BSDC1: variants seen among roughly 807,000 people sequenced by gnomAD.
The protein encoded by BSDC1 is BSD domain-containing protein 1.
Under a neutral mutation model 56.0 loss-of-function variants are expected in BSDC1, and 29 were observed. The observed-to-expected ratio is 0.52, with a 90% CI of 0.39 to 0.71. The LOEUF is 0.71. Ranked by LOEUF, BSDC1 falls within the 30% of genes least tolerant of loss-of-function variation. BSDC1 has a pLI of 0.00. For missense variants in BSDC1, 477 were observed against 548.5 expected (o/e 0.87, Z 1.30); for synonymous variants, 210 against 215.3 (o/e 0.98, Z 0.21).
chr1:32,391,789 T>C (rs1025143071), intron 2 of BSDC1, among the ~76,000 whole-genome samples: 1 of 151,754 alleles, frequency 6.6e-6, no homozygotes, highest in African/African-American at 2.4e-5. Context: ...GACATACAGA[T>C]AGGAAAGCAC....
At chr1:32,371,612 T>C (rs1259849624) in intron 9 of BSDC1, among the ~76,000 whole-genome samples, 2 of 151,796 alleles carry the variant, frequency 1.3e-5, no homozygotes, top group African/African-American at 2.4e-5. Context: ...ACCCAGCCTG[T>C]AGTCTTTTTT....
intron 9 of BSDC1, among the ~76,000 whole-genome samples, chr1:32,370,478 C>T (rs1188967550): frequency 1.3e-5 from 2 of 151,944 alleles, no homozygotes; most frequent in Non-Finnish European, 2.9e-5. Flanking sequence ...TTCTGTAAAC[C>T]AGGGGTTGGC....
chr1:32,371,468 G>A (rs1484277158), intron 9 of BSDC1, among the ~76,000 whole-genome samples: 8 of 151,628 alleles, frequency 5.3e-5, no homozygotes, highest in South Asian at 2.1e-4. Context: ...CCGCCACCAC[G>A]CCCGGCTAAT....
intron 4 of BSDC1, among the ~76,000 whole-genome samples, 182 bp downstream of exon 4, chr1:32,383,647 GC>G (rs1298704354): frequency 1.3e-5 from 2 of 152,148 alleles, no homozygotes; most frequent in South Asian, 2.1e-4. Context: ...TTTGGGTGAT[GC>G]AATTGTGAGT....
chr1:32,366,419 T>C lies in BSDC1; in HGVS notation c.*203A>G, dbSNP rs1237791823. Reference sequence around the variant, plus strand: ...ATCCTATTGTTGGCACAAGTCAGAGTTTCTGGCCGGGATTTAGAGAGCCCC... The same window carrying C: ...ATCCTATTGTTGGCACAAGTCAGAGCTTCTGGCCGGGATTTAGAGAGCCCC... On this transcript the variant is annotated 3_prime_UTR_variant, in exon 11 of 11. Transcript: ENST00000455895. 1 of 707,350 alleles carries C rather than the reference T, an allele frequency of 1.4e-6. No homozygotes were observed. The highest frequency in any genetic ancestry group is 2.6e-6 in the Non-Finnish European group (1 of 387,060). 43.8% of individuals were successfully genotyped at this position (707,350 alleles called of 1,614,324 possible). A position where few individuals can be genotyped will look rare whatever the true frequency, so the allele number is the denominator to read the frequency against.
At chr1:32,392,358 C>T (rs1033848631) in intron 2 of BSDC1, among the ~76,000 whole-genome samples, 6 of 151,990 alleles carry the variant, frequency 3.9e-5, no homozygotes, top group Admixed American at 6.6e-5. Flanking sequence ...ACAAAAAACA[C>T]TTGCCCAAGT....
At chr1:32,388,578 C>T (rs1642750746) in intron 2 of BSDC1, among the ~76,000 whole-genome samples, 2 of 152,182 alleles carry the variant, frequency 1.3e-5, no homozygotes, top group South Asian at 2.1e-4. Context: ...TGCTGCTTTA[C>T]ACTCTTTAAG....
intron 2 of BSDC1, among the ~76,000 whole-genome samples, chr1:32,392,018 G>C (rs1440322953): frequency 1.3e-5 from 2 of 152,178 alleles, no homozygotes; most frequent in African/African-American, 4.8e-5. Context: ...ATGAGGAACT[G>C]AGGCCTAGAG....
intron 2 of BSDC1, among the ~76,000 whole-genome samples, chr1:32,387,954 A>C (rs1047202759): frequency 6.6e-5 from 10 of 152,146 alleles, no homozygotes; most frequent in African/African-American, 2.4e-4. Flanking sequence ...TCATATACAA[A>C]GCTCCTTTGG....
chr1:32,387,451 C>T lies in BSDC1; in HGVS notation c.73-556G>A, dbSNP rs369788714. On this transcript the variant is annotated intron_variant, in intron 2 of 10. Coordinates refer to ENST00000455895, the MANE Select transcript of BSDC1 (RefSeq NM_018045.8). ...CCGCCTCCCGGGTTCAAGCGATTTT[C>T]GTGCCTCAGCCTCCCGAGTAGCTGG... 9.7e-4 allele frequency among the ~76,000 whole-genome samples: 147 copies of T among 151,886 alleles called. 1 individual carries two copies. The highest frequency in any genetic ancestry group is 3.4e-3 in the African/African-American group (139 of 41,422).
intron 9 of BSDC1, among the ~76,000 whole-genome samples, chr1:32,371,218 C>T (rs1032539713): frequency 2.2e-4 from 33 of 151,764 alleles, no homozygotes; most frequent in African/African-American, 7.5e-4. Flanking sequence ...TCCAAATACA[C>T]TAGCAAAGTT....
chr1:32,366,766 C>G, intron 10 of BSDC1, 112 bp from the exon 11 acceptor site: 1 of 1,432,416 alleles, frequency 7.0e-7, no homozygotes, highest in Non-Finnish European at 9.2e-7. Flanking sequence ...CTACCCCAGG[C>G]CATACTCTGA....
At chr1:32,368,181 T>G (rs1641921369) in intron 10 of BSDC1, 3 of 1,435,304 alleles carry the variant, frequency 2.1e-6, no homozygotes, top group Non-Finnish European at 2.7e-6. Context: ...ATGACATCTG[T>G]TTTCTTAAGC....
intron 9 of BSDC1, among the ~76,000 whole-genome samples, chr1:32,373,226 G>C (rs953090925): frequency 2.0e-5 from 3 of 152,128 alleles, no homozygotes; most frequent in African/African-American, 7.2e-5. Context: ...ACCTGACTAC[G>C]GTTGTTTCTT....
intron 9 of BSDC1, among the ~76,000 whole-genome samples, chr1:32,373,418 A>G (rs1437223489): frequency 2.6e-5 from 4 of 152,162 alleles, no homozygotes; most frequent in African/African-American, 9.7e-5. Context: ...AATGAAACCT[A>G]TAATTTGTAA....
intron 3 of BSDC1, 90 bp from the exon 4 acceptor site, chr1:32,384,087 C>A (rs766684177): frequency 6.3e-7 from 1 of 1,580,658 alleles, no homozygotes; most frequent in South Asian, 1.1e-5. Flanking sequence ...AAAGGTGTAC[C>A]GTGTGTTGGG....
intron 2 of BSDC1, 145 bp downstream of exon 2, chr1:32,393,935 A>T: frequency 1.4e-6 from 1 of 695,608 alleles, no homozygotes; most frequent in Non-Finnish European, 2.4e-6. Context: ...CTTCCCGTGG[A>T]CCGGTAGAGG....
At chr1:32,392,310 C>T (rs533851404) in intron 2 of BSDC1, among the ~76,000 whole-genome samples, 48 of 152,254 alleles carry the variant, frequency 3.2e-4, no homozygotes, top group African/African-American at 1.2e-3. Flanking sequence ...AGCCTGGTAA[C>T]AGAGCCAGAC....
chr1:32,382,095 T>C (rs1251629653), intron 4 of BSDC1, among the ~76,000 whole-genome samples: 2 of 151,966 alleles, frequency 1.3e-5, no homozygotes, highest in African/African-American at 4.8e-5. Flanking sequence ...GGCATGGTGA[T>C]GTGCGCCTGT....
Sources: allele counts gnomAD v4.1 joint callset (sites outside exome capture counted in the v4.1 genomes callset), GRCh38; gene constraint gnomAD v4.1.1; transcripts MANE v1.5; gene names NCBI Gene and HGNC (gene_info 2026-07-23, HGNC 2026-07-21).